Variants in FAM118A observed in about 807,000 individuals in gnomAD.
FAM118A encodes the protein protein FAM118A.
A neutral mutation model predicts 38.2 loss-of-function variants in FAM118A; 25 were observed. The observed-to-expected ratio is 0.65, with a 90% CI of 0.48 to 0.91. The LOEUF (loss-of-function observed/expected upper bound fraction) is 0.91. FAM118A is among the 40% of genes least tolerant of loss of function. The pLI is 0.00. For missense variants in FAM118A, 425 were observed against 463.3 expected, an observed-to-expected ratio of 0.92 and a Z score of 0.76; for synonymous variants, 178 against 184.1, an observed-to-expected ratio of 0.97 and a Z score of 0.27.
intron 1 of FAM118A, among the ~76,000 whole-genome samples, chr22:45,315,393 TTAG>T (rs1445710552): frequency 6.6e-6 from 1 of 152,256 alleles, no homozygotes; most frequent in African/African-American, 2.4e-5. Context: ...TCCCTTATTA[TTAG>T]TAATGGCTGA....
chr22:45,333,287 A>C (rs1431294340), intron 6 of FAM118A, among the ~76,000 whole-genome samples: 1 of 152,114 alleles, frequency 6.6e-6, no homozygotes, highest in Non-Finnish European at 1.5e-5. Context: ...GTTTTTTGGG[A>C]GGCCAAGGCA....
chr22:45,326,824 CAAAAAAAA>C (rs36188767), intron 3 of FAM118A, among the ~76,000 whole-genome samples: 2 of 40,468 alleles, frequency 4.9e-5, no homozygotes, highest in East Asian at 7.7e-4. Context: ...GACTCTGTCT[CAAAAAAAA>C]AAAAAAAAAA....
At chr22:45,335,530 C>T in intron 7 of FAM118A, 148 bp downstream of exon 7, 1 of 865,998 alleles carries the variant, frequency 1.2e-6, no homozygotes, top group Non-Finnish European at 1.8e-6. Context: ...GATAAATAGC[C>T]ATGCCTTAGC....
At chr22:45,313,302 T>TC (rs1256147055) in intron 1 of FAM118A, among the ~76,000 whole-genome samples, 15 of 149,808 alleles carry the variant, frequency 1.0e-4, no homozygotes. Flanking sequence ...CCTTTCAGTG[T>TC]CAGACATGTC....
intron 3 of FAM118A, 25 bp downstream of exon 3, chr22:45,323,452 G>A: frequency 6.2e-7 from 1 of 1,604,074 alleles, no homozygotes; most frequent in Non-Finnish European, 8.5e-7. Context: ...AGTACCTCTT[G>A]GGGACAGCTT....
rs2086094186 is a variant in FAM118A, at chr22:45,336,325, T to C, written c.971-3T>C. On this transcript the variant is annotated splice_polypyrimidine_tract_variant and splice_region_variant and intron_variant, in intron 7 of 8. Coordinates refer to ENST00000441876, the MANE Select transcript of FAM118A (RefSeq NM_017911.4). ...AGCTTCTTAATAAATTCTTCTCTTT[T>C]AGGTAATGCATGCCAGGACTGTGCA... 1.2e-6 allele frequency: 2 copies of C among 1,611,050 alleles called. No individual in the cohort carries two copies. Among genetic ancestry groups the C allele is most frequent in the African/African-American group, 1.3e-5 (1 of 74,874 alleles).
intron 4 of FAM118A, chr22:45,330,362 G>A (rs991056655): frequency 2.7e-5 from 7 of 262,192 alleles, no homozygotes; most frequent in Middle Eastern, 1.2e-3. Flanking sequence ...CATGACTGGC[G>A]CTAACAGCCG....
intron 8 of FAM118A, among the ~76,000 whole-genome samples, chr22:45,339,270 CCTA>C (rs2086314725): frequency 6.6e-6 from 1 of 152,068 alleles, no homozygotes; most frequent in Non-Finnish European, 1.5e-5. Flanking sequence ...GTGGCGGGCG[CCTA>C]CTGTAGTCCC....
intron 5 of FAM118A, 44 bp from the exon 6 acceptor site, chr22:45,332,381 T>C: frequency 1.3e-6 from 2 of 1,577,502 alleles, no homozygotes; most frequent in Non-Finnish European, 8.6e-7. Flanking sequence ...AAGCTCTTGC[T>C]GTCTTTCAAA....
chr22:45,335,159 G>A (rs565605218), intron 6 of FAM118A, 191 bp from the exon 7 acceptor site: 40 of 586,442 alleles, frequency 6.8e-5, no homozygotes, highest in African/African-American at 6.2e-4. Context: ...CTCCTTCAGC[G>A]AGTCCTCGCA....
chr22:45,330,656 C>T lies in FAM118A; in HGVS notation c.576C>T (p.Gly192=), dbSNP rs199698309. Residue 192 remains glycine, a synonymous_variant, in exon 5 of 9, where the codon GGC becomes GGT. Coordinates refer to ENST00000441876, the MANE Select transcript of FAM118A (RefSeq NM_017911.4). ...AGTACGGCGTCCTCCACATTCACGGCCTCTACACGGACCCCTGCGGGGTGG... is the reference window on the plus strand; with the variant it reads ...AGTACGGCGTCCTCCACATTCACGGTCTCTACACGGACCCCTGCGGGGTGG... ...HMKYGVLHIH[G]LYTDPCGVVL... is the part of the protein sequence containing the mutation. 2.8e-5 allele frequency: 45 copies of T among 1,595,012 alleles called. No homozygotes were observed. Among genetic ancestry groups the T allele is most frequent in the Middle Eastern group, 3.3e-4 (2 of 6,000 alleles).
chr22:45,338,688 A>G (rs1293855239), intron 8 of FAM118A, among the ~76,000 whole-genome samples: 1 of 152,242 alleles, frequency 6.6e-6, no homozygotes, highest in African/African-American at 2.4e-5. Context: ...AGTACTTTAT[A>G]TAAGTAAGCC....
chr22:45,330,720 G>A lies in FAM118A; in HGVS notation c.640G>A (p.Ala214Thr), dbSNP rs200977566. Residue 214 changes from alanine (A) to threonine (T), a missense_variant, in exon 5 of 9, where the codon GCA becomes ACA. Transcript: ENST00000441876. ...PSGYKDVTQD[A>T]EVMEVLQNLY... Reference sequence around the variant, plus strand: ...GGGGTATAAAGACGTCACTCAAGACGCAGAAGTCATGGTACGGCCCGTCCT... The same window carrying A: ...GGGGTATAAAGACGTCACTCAAGACACAGAAGTCATGGTACGGCCCGTCCT... 1.0e-5 allele frequency: 16 copies of A among 1,576,054 alleles called. 1 individual carries two copies. Among genetic ancestry groups the A allele is most frequent in the Middle Eastern group, 3.4e-4 (2 of 5,872 alleles).
Position 45,332,499 on chromosome 22 carries a change from A to T in FAM118A, c.726A>T (p.Ile242=). The change falls in exon 6 of 9, where the codon ATA becomes ATT. Residue 242 remains isoleucine (I), a synonymous_variant. Transcript: ENST00000441876. ...GTGGGGAGACCCTTCGTGATCAGAT[A>T]TTCCAGGCCCTCTTTCTTTACTCCG... ...VGCGETLRDQ[I]FQALFLYSVP... 3.1e-6 allele frequency: 5 copies of T among 1,614,206 alleles called. No homozygotes were observed. Among genetic ancestry groups the T allele is most frequent in the Non-Finnish European group, 4.2e-6 (5 of 1,180,040 alleles).
intron 8 of FAM118A, chr22:45,337,851 A>G: frequency 2.0e-6 from 2 of 985,146 alleles, no homozygotes; most frequent in Non-Finnish European, 2.4e-6. Context: ...TGCCATCCTC[A>G]TGCTCGCGGG....
chr22:45,340,745 A>G lies in FAM118A; in HGVS notation c.*340A>G. 2 of 393,104 alleles carry G rather than the reference A, an allele frequency of 5.1e-6. No homozygotes were observed. The highest frequency in any genetic ancestry group is 9.2e-6 in the Non-Finnish European group (2 of 217,918). 24.4% of individuals were successfully genotyped at this position (393,104 alleles called of 1,614,324 possible). The stretch of plus-strand genomic sequence containing the variant: ...GTCAAGGTGGTATTTTTCGTAATAA[A>G]AGGGGAAGAGTAAAGACTGTCCAAG... On this transcript the variant is annotated 3_prime_UTR_variant, in exon 9 of 9. Coordinates refer to ENST00000441876, the MANE Select transcript of FAM118A (RefSeq NM_017911.4).
chr22:45,334,958 G>C (rs1403220491), intron 6 of FAM118A: 2 of 191,410 alleles, frequency 1.0e-5, no homozygotes, highest in African/African-American at 4.7e-5. Context: ...TCCAGGTTGG[G>C]GCAGGCAAGT....
chr22:45,330,829 G>T (rs994759165), intron 5 of FAM118A, 98 bp downstream of exon 5: 2 of 1,341,672 alleles, frequency 1.5e-6, no homozygotes. Flanking sequence ...GGCTCCAGGC[G>T]TCCGTGCCCT....
chr22:45,320,353 C>T (rs1301188930), intron 1 of FAM118A, among the ~76,000 whole-genome samples: 1 of 145,872 alleles, frequency 6.9e-6, no homozygotes, highest in Non-Finnish European at 1.5e-5. Flanking sequence ...CACTGCACTC[C>T]AGCCTGGTGA....
Sources: allele counts gnomAD v4.1 joint callset (sites outside exome capture counted in the v4.1 genomes callset), GRCh38; gene constraint gnomAD v4.1.1; transcripts MANE v1.5; gene names NCBI Gene and HGNC (gene_info 2026-07-23, HGNC 2026-07-21).